The following JMJD1C variants were observed in gnomAD, a reference collection of about 807,000 sequenced individuals.
JMJD1C encodes the protein jumonji domain containing 1C.
A neutral mutation model predicts 245.3 loss-of-function variants in JMJD1C; 31 were observed. That is an observed-to-expected ratio of 0.13 (90% CI 0.09 to 0.17). The LOEUF (loss-of-function observed/expected upper bound fraction) is 0.17, where lower values mean the gene tolerates loss of function less well. Among genes scored for constraint, JMJD1C ranks in the 10% least tolerant of loss-of-function variants. The probability of loss-of-function intolerance (pLI) is 1.00; values close to 1 mark genes in which losing one functional copy is unlikely to be tolerated. For synonymous variants in JMJD1C, 1,057 were observed against 1,017.4 expected (o/e 1.04, Z -0.74); for missense variants, 2,691 against 3,000.2 (o/e 0.90, Z 2.41).
chr10:63,220,483 C>G (rs1251967526), intron 3 of JMJD1C, among the ~76,000 whole-genome samples: 2 of 152,222 alleles, frequency 1.3e-5, no homozygotes, highest in South Asian at 4.1e-4. Context: ...TCACAGTCAT[C>G]TGACCAGTAA....
intron 3 of JMJD1C, among the ~76,000 whole-genome samples, chr10:63,225,093 C>T (rs1362828602): frequency 6.6e-6 from 1 of 151,930 alleles, no homozygotes; most frequent in Non-Finnish European, 1.5e-5. Context: ...CTTAATGGCA[C>T]AGTCTTCACA....
At chr10:63,352,517 A>G (rs947052877) in intron 2 of JMJD1C, among the ~76,000 whole-genome samples, 1 of 151,888 alleles carries the variant, frequency 6.6e-6, no homozygotes, top group African/African-American at 2.4e-5. Flanking sequence ...ATGCATCTAT[A>G]ATTCCAGCTA....
chr10:63,215,476 G>C (rs1431510309), intron 6 of JMJD1C, 21 bp from the exon 7 acceptor site: 3 of 1,612,894 alleles, frequency 1.9e-6, no homozygotes, highest in Non-Finnish European at 1.7e-6. Context: ...CCAATTAACA[G>C]TAATTGTTTA....
chr10:63,380,341 T>C lies in JMJD1C; in HGVS notation c.310A>G (p.Lys104Glu), dbSNP rs1178865707. 6.2e-7 allele frequency: 1 copy of C among 1,614,026 alleles called. No individual in the cohort carries two copies. The highest frequency in any genetic ancestry group is 2.2e-5 in the East Asian group (1 of 44,882). ...ACCAATGCAGGCCACTGAATCTGTTTGCTCTTTGATCCCTGAGTCTGGCTA... is the reference window on the plus strand; with the variant it reads ...ACCAATGCAGGCCACTGAATCTGTTCGCTCTTTGATCCCTGAGTCTGGCTA... ...DPSQTQGSKS[K>E]QIQWPALTFK... The change falls in exon 2 of 26, where the codon AAA becomes GAA. Residue 104 changes from lysine to glutamate, a missense_variant. Physicochemically the swap from Lys to Glu is moderately conservative, Grantham distance 56 (BLOSUM62 1). Around this residue, in one of 9 missense-constraint regions of JMJD1C, gnomAD observed 172 missense variants for 240.8 expected, o/e 0.71. Coordinates refer to ENST00000399262, the MANE Select transcript of JMJD1C (RefSeq NM_032776.3).
At chr10:63,462,923 A>G (rs953651544) in intron 1 of JMJD1C, among the ~76,000 whole-genome samples, 8 of 152,140 alleles carry the variant, frequency 5.3e-5, no homozygotes, top group African/African-American at 1.7e-4. Context: ...TTCCTCATAC[A>G]TAAGACCCAA....
intron 1 of JMJD1C, among the ~76,000 whole-genome samples, chr10:63,493,985 G>A (rs568461696): frequency 1.1e-3 from 167 of 152,204 alleles, no homozygotes; most frequent in Non-Finnish European, 8.7e-4. Flanking sequence ...TAGGGTATAT[G>A]ATTTCTATGT....
intron 1 of JMJD1C, among the ~76,000 whole-genome samples, chr10:63,476,041 T>C (rs1046227614): frequency 6.6e-6 from 1 of 151,710 alleles, no homozygotes; most frequent in African/African-American, 2.4e-5. Context: ...AAACCCTGTA[T>C]CTACTAAAAA....
At chr10:63,410,756 AC>A (rs1949430533) in intron 1 of JMJD1C, among the ~76,000 whole-genome samples, 1 of 152,084 alleles carries the variant, frequency 6.6e-6, no homozygotes, top group Non-Finnish European at 1.5e-5. Flanking sequence ...CCCACACTAC[AC>A]TAACTGTTCC....
intron 2 of JMJD1C, chr10:63,268,756 T>C: frequency 3.0e-6 from 3 of 985,360 alleles, no homozygotes. Flanking sequence ...TTCTATTTTG[T>C]TCTGGAAGAG....
rs147512521 is a variant in JMJD1C, at chr10:63,357,171, C to T, written c.333+23147G>A. Among the ~76,000 whole-genome samples, 101 of 151,732 alleles carry T rather than the reference C, an allele frequency of 6.7e-4. No homozygotes were observed. The East Asian group carries it at 0.017, about 25-fold the overall frequency. On this transcript the variant is annotated intron_variant, in intron 2 of 25. Coordinates refer to ENST00000399262, the MANE Select transcript of JMJD1C (RefSeq NM_032776.3). ...GCCTCAGCCTCCCCAGTAGCTGGGACTATAGATGCGTGCCACCACGCCCAT... is the reference window on the plus strand; with the variant it reads ...GCCTCAGCCTCCCCAGTAGCTGGGATTATAGATGCGTGCCACCACGCCCAT...
At position 63,213,809 on chromosome 10, in the gene JMJD1C, T is replaced by C; in HGVS notation, c.2358A>G (p.Pro786=). The C allele has an allele frequency of 6.2e-7, 1 of 1,614,058 alleles. No individual in the cohort carries two copies. Among genetic ancestry groups the C allele is most frequent in the Non-Finnish European group, 8.5e-7 (1 of 1,179,986 alleles). The change falls in exon 8 of 26, where the codon CCA becomes CCG. Residue 786 remains proline, a synonymous_variant. Coordinates refer to ENST00000399262, the MANE Select transcript of JMJD1C (RefSeq NM_032776.3). ...AATGAGGGTGATGAACAGCATGGTG[T>C]GGACCACTAGTCAGAGGATGAGTGT... is the stretch of plus-strand genomic sequence containing the variant. ...TINTHPLTSG[P]HHAVHHPHLL...
At chr10:63,317,595 G>T (rs1940252272) in intron 2 of JMJD1C, among the ~76,000 whole-genome samples, 1 of 151,974 alleles carries the variant, frequency 6.6e-6, no homozygotes, top group South Asian at 2.1e-4. Flanking sequence ...TCTTGACTCT[G>T]CATGTTTATA....
At chr10:63,279,612 T>A (rs72831012) in intron 2 of JMJD1C, among the ~76,000 whole-genome samples, 4,543 of 152,040 alleles carry the variant, frequency 0.03, 91 homozygotes, top group Non-Finnish European at 0.047. Context: ...CAAAAAAAAA[T>A]TTTTAAATTA....
At chr10:63,218,027 G>A (rs1043721075) in intron 4 of JMJD1C, among the ~76,000 whole-genome samples, 4 of 151,980 alleles carry the variant, frequency 2.6e-5, no homozygotes, top group Admixed American at 6.6e-5. Context: ...AGATGAAAAC[G>A]ATCTTTAATT....
intron 1 of JMJD1C, among the ~76,000 whole-genome samples, chr10:63,451,235 C>T (rs1362223982): frequency 6.6e-6 from 1 of 152,116 alleles, no homozygotes; most frequent in East Asian, 1.9e-4. Context: ...ACATACAAAC[C>T]CTATTAATAT....
chr10:63,208,692 G>A lies in JMJD1C; in HGVS notation c.2977C>T (p.His993Tyr), dbSNP rs765475570. ...AATACTGGATCCACAAAATGCCTAT[G>A]TAAGTGACAATCTTTTCCAGTCTGT... Reference protein sequence around the residue: ...RSQTGKDCHLHRHFVDPVLNQ... With the variant: ...RSQTGKDCHLYRHFVDPVLNQ... The change falls in exon 10 of 26, where the codon CAT becomes TAT. Residue 993 changes from histidine to tyrosine, a missense_variant. By Grantham distance (83) the His-to-Tyr change is moderately conservative. This residue lies in a region of JMJD1C where 1,562 missense variants were observed against 1,490.7 expected (regional missense o/e 1.05). Coordinates refer to ENST00000399262, the MANE Select transcript of JMJD1C (RefSeq NM_032776.3). The A allele has an allele frequency of 3.7e-6, 6 of 1,614,108 alleles. No homozygotes were observed. In the South Asian group the frequency reaches 6.6e-5, roughly 18 times the overall value.
chr10:63,299,474 G>A (rs1859830603), intron 2 of JMJD1C, among the ~76,000 whole-genome samples: 1 of 151,516 alleles, frequency 6.6e-6, no homozygotes, highest in South Asian at 2.1e-4. Flanking sequence ...TTACAGGCAT[G>A]AGCCACTGCA....
At chr10:63,484,450 T>C (rs550349527) in intron 1 of JMJD1C, among the ~76,000 whole-genome samples, 3 of 152,200 alleles carry the variant, frequency 2.0e-5, no homozygotes, top group African/African-American at 7.2e-5. Context: ...TCCAAATATA[T>C]CCCTTTTCAC....
intron 3 of JMJD1C, among the ~76,000 whole-genome samples, chr10:63,259,142 T>G (rs1162441662): frequency 1.3e-5 from 2 of 152,252 alleles, no homozygotes; most frequent in African/African-American, 4.8e-5. Context: ...TTTACTTCTT[T>G]CTGTAAACTA....
Sources: allele counts gnomAD v4.1 joint callset (sites outside exome capture counted in the v4.1 genomes callset), GRCh38; gene constraint gnomAD v4.1.1; regional missense constraint gnomAD v4.1.1; transcripts MANE v1.5; gene names NCBI Gene and HGNC (gene_info 2026-07-23, HGNC 2026-07-21).